The following DLGAP2 variants were observed in gnomAD, a reference collection of about 807,000 sequenced individuals.
The protein encoded by DLGAP2 is disks large-associated protein 2.
DLGAP2 carries 26 observed loss-of-function variants against 100.3 expected under a neutral mutation model. That is an observed-to-expected ratio of 0.26 (90% CI 0.19 to 0.36). The LOEUF (loss-of-function observed/expected upper bound fraction) is 0.36, where lower values mean the gene tolerates loss of function less well. DLGAP2 is among the 10% of genes least tolerant of loss of function. The pLI is 1.00. For missense variants in DLGAP2, 1,858 were observed against 1,453.2 expected (o/e 1.28, Z -4.53); for synonymous variants, 886 against 630.1 (o/e 1.41, Z -6.08).
chr8:1,364,048 G>C (rs1252498189), intron 3 of DLGAP2, among the ~76,000 whole-genome samples: 1 of 152,128 alleles, frequency 6.6e-6, no homozygotes, highest in Non-Finnish European at 1.5e-5. Context: ...CCCCATATGG[G>C]GGTCTTCCTC....
At chr8:1,071,353 T>C (rs1351797872) in intron 2 of DLGAP2, among the ~76,000 whole-genome samples, 7 of 152,200 alleles carry the variant, frequency 4.6e-5, no homozygotes, top group Admixed American at 1.3e-4. Context: ...TGCTTGACTT[T>C]CAAGGGTGGC....
At chr8:1,414,699 G>A (rs1003828099) in intron 3 of DLGAP2, among the ~76,000 whole-genome samples, 1 of 152,158 alleles carries the variant, frequency 6.6e-6, no homozygotes, top group African/African-American at 2.4e-5. Context: ...TACAAGCATG[G>A]AACCTCCTGT....
chr8:763,203 T>C (rs763335222), intron 1 of DLGAP2, among the ~76,000 whole-genome samples: 5 of 152,206 alleles, frequency 3.3e-5, no homozygotes, highest in Non-Finnish European at 5.9e-5. Context: ...ACATGGACTA[T>C]CAGCAGCGCA....
chr8:785,818 T>C (rs4735921), intron 1 of DLGAP2, among the ~76,000 whole-genome samples: 4,916 of 6,990 alleles, frequency 0.7, 1,761 homozygotes, highest in Non-Finnish European at 0.72. Context: ...CCCCTCAGGC[T>C]CCTCTGAGAC....
At chr8:1,651,931 A>G (rs373780972) in intron 8 of DLGAP2, among the ~76,000 whole-genome samples, 19 of 152,198 alleles carry the variant, frequency 1.2e-4, no homozygotes, top group African/African-American at 4.3e-4. Flanking sequence ...TGCATGAGGC[A>G]GCACTCAGAG....
At chr8:1,068,649 GA>G (rs1803330240) in intron 2 of DLGAP2, among the ~76,000 whole-genome samples, 1 of 152,154 alleles carries the variant, frequency 6.6e-6, no homozygotes. Flanking sequence ...AGGGAACAAG[GA>G]CGGAGGGAGG....
At chr8:1,230,264 A>C (rs901823337) in intron 2 of DLGAP2, among the ~76,000 whole-genome samples, 1 of 152,226 alleles carries the variant, frequency 6.6e-6, no homozygotes, top group African/African-American at 2.4e-5. Flanking sequence ...CCTATTCTTA[A>C]TAGCTACAAA....
At chr8:1,304,876 G>A (rs1044677672) in intron 3 of DLGAP2, among the ~76,000 whole-genome samples, 11 of 152,232 alleles carry the variant, frequency 7.2e-5, no homozygotes, top group African/African-American at 2.7e-4. Context: ...CACAGTCTGT[G>A]TTCACTGCAA....
chr8:1,126,812 G>T (rs980230616), intron 2 of DLGAP2, among the ~76,000 whole-genome samples: 1 of 151,984 alleles, frequency 6.6e-6, no homozygotes, highest in African/African-American at 2.4e-5. Context: ...AGACTCCCAC[G>T]GGCTCTGGAA....
At chr8:823,076 A>G (rs919329753) in intron 1 of DLGAP2, among the ~76,000 whole-genome samples, 3 of 151,990 alleles carry the variant, frequency 2.0e-5, no homozygotes, top group African/African-American at 7.3e-5. Context: ...TGTTGCTGCC[A>G]CTGCCTGTCA....
chr8:1,042,520 G>T (rs1302782880), intron 2 of DLGAP2, among the ~76,000 whole-genome samples: 1 of 152,200 alleles, frequency 6.6e-6, no homozygotes, highest in Non-Finnish European at 1.5e-5. Flanking sequence ...AAATGGTGGT[G>T]AGAAGAGCCG....
chr8:829,156 A>C (rs1374012348), intron 1 of DLGAP2, among the ~76,000 whole-genome samples: 1 of 152,256 alleles, frequency 6.6e-6, no homozygotes, highest in African/African-American at 2.4e-5. Context: ...TAGCAAGAAC[A>C]CTATGAGATA....
At chr8:1,432,109 G>C (rs184958233) in intron 3 of DLGAP2, among the ~76,000 whole-genome samples, 80 of 152,274 alleles carry the variant, frequency 5.3e-4, no homozygotes, top group African/African-American at 1.7e-3. Flanking sequence ...CCATCCATCG[G>C]GGCTGAACTC....
chr8:1,286,077 G>T (rs1398997871), intron 3 of DLGAP2, among the ~76,000 whole-genome samples: 2 of 152,190 alleles, frequency 1.3e-5, no homozygotes, highest in African/African-American at 4.8e-5. Context: ...TGTAGTAATC[G>T]CTGTGTGTCA....
At chr8:837,907 CT>C (rs1796911399) in intron 1 of DLGAP2, among the ~76,000 whole-genome samples, 1 of 93,600 alleles carries the variant, frequency 1.1e-5, no homozygotes. Context: ...TTTTTTTTTT[CT>C]TTTTTAAGTA....
chr8:1,042,980 TG>T (rs1434053366), intron 2 of DLGAP2, among the ~76,000 whole-genome samples: 1 of 122,224 alleles, frequency 8.2e-6, no homozygotes, highest in Non-Finnish European at 1.7e-5. Flanking sequence ...GGGTGGTGGA[TG>T]TGGGTGATGG....
chr8:1,695,680 G>T (rs1489186395), intron 13 of DLGAP2, among the ~76,000 whole-genome samples: 1 of 152,274 alleles, frequency 6.6e-6, no homozygotes, highest in Non-Finnish European at 1.5e-5. Context: ...CAGAAAGAGG[G>T]GATGTTCTTA....
chr8:1,334,201 C>T (rs1196982506), intron 3 of DLGAP2, among the ~76,000 whole-genome samples: 1 of 152,198 alleles, frequency 6.6e-6, no homozygotes, highest in Admixed American at 6.5e-5. Flanking sequence ...GGAAATGTTT[C>T]CTGTGATGAA....
chr8:1,418,785 C>G (rs952474651), intron 3 of DLGAP2, among the ~76,000 whole-genome samples: 2 of 152,212 alleles, frequency 1.3e-5, no homozygotes, highest in Non-Finnish European at 2.9e-5. Flanking sequence ...CCCTGACCAC[C>G]TGCACTTCCC....
Sources: allele counts gnomAD v4.1 joint callset (sites outside exome capture counted in the v4.1 genomes callset), GRCh38; gene constraint gnomAD v4.1.1; transcripts MANE v1.5; gene names NCBI Gene and HGNC (gene_info 2026-07-23, HGNC 2026-07-21).